Variants in ZNF594 observed in about 807,000 individuals in gnomAD.
ZNF594 encodes the protein zinc finger protein 594.
For missense variants in ZNF594, 1,037 were observed against 964.6 expected (o/e 1.08, Z -0.99); for synonymous variants, 336 against 309.4 (o/e 1.09, Z -0.90).
rs1730488 is a variant in ZNF594, at chr17:5,182,562, C to T, written c.1695G>A (p.Ala565=). 190,538 of 1,613,218 alleles carry T rather than the reference C, an allele frequency of 0.12. 22,379 individuals carry two copies. The highest frequency in any genetic ancestry group is 0.47 in the East Asian group (20,858 of 44,840). Residue 565 remains alanine (A), a synonymous_variant, in exon 2 of 2, where the codon GCG becomes GCA. Coordinates refer to ENST00000575779, the MANE Select transcript of ZNF594 (RefSeq NM_032530.2). ...LRGEQKIHQE[A]KAYWCNQCGR... ...CACACTGATTACACCAATAAGCTTT[C>T]GCTTCCTGGTGAATTTTCTGCTCTC...
Position 5,182,219 on chromosome 17 carries a change from A to G in ZNF594, c.2038T>C (p.Tyr680His), listed in dbSNP as rs1181506729. The G allele has an allele frequency of 3.1e-6, 5 of 1,613,512 alleles. No homozygotes were observed. The highest frequency in any genetic ancestry group is 4.2e-6 in the Non-Finnish European group (5 of 1,179,942). The change falls in exon 2 of 2, where the codon TAT becomes CAT. Residue 680 changes from tyrosine to histidine, a missense_variant. By Grantham distance (83) the Tyr-to-His change is moderately conservative. Transcript: ENST00000575779. ...GCATTCCCACATTCACTGCACTGAT[A>G]GGGTTTCTCTCCAGTATGGATTTTC... ...HQKIHTGEKP[Y>H]QCSECGNAFR...
rs1267419204 is a variant in ZNF594 at position 5,191,717 on chromosome 17, C to A, written c.-21+31G>T. Reference sequence around the variant, plus strand: ...TGCCGGTGGACGCAGGCGCCGCGGCCGCCAGCTCTGTGAACGCAGCGGGGT... The same window carrying A: ...TGCCGGTGGACGCAGGCGCCGCGGCAGCCAGCTCTGTGAACGCAGCGGGGT... On this transcript the variant is annotated intron_variant, in intron 1 of 1. Coordinates refer to ENST00000575779, the MANE Select transcript of ZNF594 (RefSeq NM_032530.2). 2.6e-5 allele frequency: 4 copies of A among 152,414 alleles called. No individual in the cohort carries two copies. The East Asian group carries it at 7.7e-4, about 30-fold the overall frequency. 9.4% of individuals were successfully genotyped at this position (152,414 alleles called of 1,614,324 possible).
chr17:5,183,552 C>T lies in ZNF594; in HGVS notation c.705G>A (p.Arg235=), dbSNP rs1407165154. 6.2e-7 allele frequency: 1 copy of T among 1,614,100 alleles called. No homozygotes were observed. Among genetic ancestry groups the T allele is most frequent in the Non-Finnish European group, 8.5e-7 (1 of 1,180,008 alleles). Residue 235 remains arginine, a synonymous_variant, in exon 2 of 2, where the codon AGG becomes AGA. Transcript: ENST00000575779. ...ATTTATTGCATAAATATGGCTTCCC[C>T]CTACTGTGGATTCTCTGGTGCAGGA... ...NLVLHQRIHS[R]GKPYLCNKCG... is the part of the protein sequence containing the mutation.
Position 5,181,830 on chromosome 17 carries a change from A to G in ZNF594, c.*3T>C, listed in dbSNP as rs770723760. 1.2e-6 allele frequency: 2 copies of G among 1,613,910 alleles called. No individual in the cohort carries two copies. Among genetic ancestry groups the G allele is most frequent in the Admixed American group, 1.7e-5 (1 of 60,006 alleles). ...TACGTAAGGTTTTTCTCCACTGTGA[A>G]TTCTATGATGTCTCAGAAGGTCTGA... On this transcript the variant is annotated 3_prime_UTR_variant, in exon 2 of 2. Transcript: ENST00000575779.
chr17:5,181,316 T>C lies in ZNF594; in HGVS notation c.*517A>G, dbSNP rs2144237874. On this transcript the variant is annotated 3_prime_UTR_variant, in exon 2 of 2. Transcript: ENST00000575779. ...TTTTCCCACATTCTTTACATTCATA[T>C]GGTTTCTCTCCTGTATGAGTTACCT... The C allele has an allele frequency of 2.5e-6, 4 of 1,612,964 alleles. No individual in the cohort carries two copies. The East Asian group carries it at 8.9e-5, about 36-fold the overall frequency.
In ZNF594 at chr17:5,184,257, C is replaced by G. The variant is rs767886564; in HGVS notation, c.-1G>C. On this transcript the variant is annotated 5_prime_UTR_variant, in exon 2 of 2. Coordinates refer to ENST00000575779, the MANE Select transcript of ZNF594 (RefSeq NM_032530.2). ...CCATCTTTGATTTCCATTCCTTCATCTTATTCCTGTCTTCAGAATCTGAAA... is the reference window on the plus strand; with the variant it reads ...CCATCTTTGATTTCCATTCCTTCATGTTATTCCTGTCTTCAGAATCTGAAA... 1.2e-6 allele frequency: 2 copies of G among 1,608,296 alleles called. No individual in the cohort carries two copies. Among genetic ancestry groups the G allele is most frequent in the Admixed American group, 3.4e-5 (2 of 58,960 alleles).
chr17:5,182,475 T>C lies in ZNF594; in HGVS notation c.1782A>G (p.Lys594=), dbSNP rs1355181638. The C allele has an allele frequency of 2.5e-5, 40 of 1,613,914 alleles. No individual in the cohort carries two copies. The East Asian group carries it at 6.5e-4, about 26-fold the overall frequency. The change falls in exon 2 of 2, where the codon AAA becomes AAG. Residue 594 remains lysine (K), a synonymous_variant. Coordinates refer to ENST00000575779, the MANE Select transcript of ZNF594 (RefSeq NM_032530.2). ...IRHQVTHTRE[K]PYECKECGKT... ...TCCCACATTCTTTGCATTCATATGGTTTCTCTCTTGTATGAGTTACCTGAT... is the reference window on the plus strand; with the variant it reads ...TCCCACATTCTTTGCATTCATATGGCTTCTCTCTTGTATGAGTTACCTGAT...
chr17:5,184,301 A>AT (rs1374395188), intron 1 of ZNF594, 25 bp from the exon 2 acceptor site: 1 of 1,565,744 alleles, frequency 6.4e-7, no homozygotes, highest in African/African-American at 1.4e-5. Flanking sequence ...AGATCATTCT[A>AT]TAATTCCTAA....
At position 5,184,003 on chromosome 17, in the gene ZNF594, C is replaced by T. The variant is rs367807463; in HGVS notation, c.254G>A (p.Cys85Tyr). Residue 85 changes from cysteine (C) to tyrosine (Y), a missense_variant, in exon 2 of 2, where the codon TGT (cysteine) becomes TAT (tyrosine). By Grantham distance (194) the Cys-to-Tyr change is radical (BLOSUM62 -2). Transcript: ENST00000575779. The stretch of plus-strand genomic sequence containing the variant: ...AGAAAGTATTTTTTCTCCTTCATTA[C>T]ATCCATGGCCAATCTCTCCCACAAT... ...KAIVGEIGHG[C>Y]NEGEKILSAG... is the part of the protein sequence containing the mutation. 1.7e-5 allele frequency: 27 copies of T among 1,614,060 alleles called. No homozygotes were observed. In the African/African-American group the frequency reaches 3.5e-4, roughly 21 times the overall value.
At chr17:5,188,160 T>C (rs902356924) in intron 1 of ZNF594, among the ~76,000 whole-genome samples, 5 of 151,342 alleles carry the variant, frequency 3.3e-5, no homozygotes, top group African/African-American at 7.3e-5. Flanking sequence ...TTGAAGTGTT[T>C]AGTGTTTTTT....
rs866934956 is a variant in ZNF594 at position 5,180,847 on chromosome 17, G to T, written c.*986C>A. The T allele has an allele frequency of 3.3e-5, 14 of 424,324 alleles. No individual in the cohort carries two copies. Among genetic ancestry groups the T allele is most frequent in the Non-Finnish European group, 5.7e-5 (13 of 227,964 alleles). The allele number at this position is 424,324 out of a possible 1,614,324, so 26.3% of individuals were successfully genotyped here. ...TTCTCTGCTTTCCCACCTTCCCATG[G>T]TTTTTTTCTAATAAAACTCATTTGT... On this transcript the variant is annotated 3_prime_UTR_variant, in exon 2 of 2. Transcript: ENST00000575779.
At position 5,181,054 on chromosome 17, in the gene ZNF594, T is replaced by C. The variant is rs767501533; in HGVS notation, c.*779A>G. On this transcript the variant is annotated 3_prime_UTR_variant, in exon 2 of 2. Coordinates refer to ENST00000575779, the MANE Select transcript of ZNF594 (RefSeq NM_032530.2). ...CCACTGAAGGCCTTACCACAGTTGC[T>C]ACATTCAAAGGGTTTCTCTCTGGTA... The C allele has an allele frequency of 8.3e-7, 1 of 1,207,244 alleles. No individual in the cohort carries two copies. The highest frequency in any genetic ancestry group is 1.2e-5 in the South Asian group (1 of 82,066). 74.8% of individuals were successfully genotyped at this position (1,207,244 alleles called of 1,614,324 possible). A position where few individuals can be genotyped will look rare whatever the true frequency, so the allele number is the denominator to read the frequency against.
chr17:5,186,082 T>C (rs939089179), intron 1 of ZNF594, among the ~76,000 whole-genome samples: 7 of 152,188 alleles, frequency 4.6e-5, no homozygotes, highest in African/African-American at 1.4e-4. Flanking sequence ...ACAGCTCCAC[T>C]AGAAGGTGCC....
chr17:5,181,407 T>C lies in ZNF594; in HGVS notation c.*426A>G. 6.2e-7 allele frequency: 1 copy of C among 1,613,270 alleles called. No homozygotes were observed. Among genetic ancestry groups the C allele is most frequent in the Non-Finnish European group, 8.5e-7 (1 of 1,179,248 alleles). ...ACACTGATTACACCAATAAGCTTTCTCTTCTTGGTGAATTTTCTGCTCTCC... is the reference window on the plus strand; with the variant it reads ...ACACTGATTACACCAATAAGCTTTCCCTTCTTGGTGAATTTTCTGCTCTCC... On this transcript the variant is annotated 3_prime_UTR_variant, in exon 2 of 2. Transcript: ENST00000575779.
chr17:5,183,631 T>C lies in ZNF594; in HGVS notation c.626A>G (p.Asn209Ser), dbSNP rs1480020073. ...VRHKQIHSGG[N>S]PYECKECGKA... ...CCCACACTCTTTGCACTCATAGGGA[T>C]TCCCACCACTGTGAATTTGCTTATG... Residue 209 changes from asparagine to serine, a missense_variant, in exon 2 of 2, where the codon AAT becomes AGT. Physicochemically the swap from Asn to Ser is conservative, Grantham distance 46. Coordinates refer to ENST00000575779, the MANE Select transcript of ZNF594 (RefSeq NM_032530.2). 6.2e-7 allele frequency: 1 copy of C among 1,614,234 alleles called. No individual in the cohort carries two copies.
At chr17:5,188,750 CTT>C (rs34604391) in intron 1 of ZNF594, among the ~76,000 whole-genome samples, 25 of 140,866 alleles carry the variant, frequency 1.8e-4, no homozygotes, top group Admixed American at 1.2e-3. Context: ...AAAATTTTGA[CTT>C]TTTTTTTTTT....
Position 5,180,952 on chromosome 17 carries a change from G to A in ZNF594, c.*881C>T. 1 of 690,206 alleles carries A rather than the reference G, an allele frequency of 1.4e-6. No individual in the cohort carries two copies. The highest frequency in any genetic ancestry group is 2.8e-5 in the East Asian group (1 of 36,214). The allele number at this position is 690,206 out of a possible 1,614,324, so 42.8% of individuals were successfully genotyped here. On this transcript the variant is annotated 3_prime_UTR_variant, in exon 2 of 2. Transcript: ENST00000575779. ...AGGTTTCTGCTACCTATTAGAATAG[G>A]TCCTGTTTGTAGACTCTTACAGTCT... is the stretch of plus-strand genomic sequence containing the variant.
rs375509417 is a variant in ZNF594, at chr17:5,183,613, T to C, written c.644A>G (p.Glu215Gly). Residue 215 changes from glutamate to glycine, a missense_variant, in exon 2 of 2, where the codon GAG becomes GGG. Glu to Gly is a moderately conservative substitution (Grantham distance 98). Transcript: ENST00000575779. ...HSGGNPYECKECGKAFKGSSN... is the reference protein window; with the variant it reads ...HSGGNPYECKGCGKAFKGSSN... ...GCTTCCCTTAAAAGCCTTCCCACACTCTTTGCACTCATAGGGATTCCCACC... is the reference window on the plus strand; with the variant it reads ...GCTTCCCTTAAAAGCCTTCCCACACCCTTTGCACTCATAGGGATTCCCACC... 3.1e-5 allele frequency: 50 copies of C among 1,614,094 alleles called. No homozygotes were observed. Among genetic ancestry groups the C allele is most frequent in the Non-Finnish European group, 4.1e-5 (48 of 1,180,042 alleles).
downstream of ZNF594, among the ~76,000 whole-genome samples, chr17:5,179,249 C>T (rs138809614): frequency 1.0e-4 from 15 of 144,690 alleles, no homozygotes; most frequent in Non-Finnish European, 1.8e-4. Flanking sequence ...CCCTGGGATG[C>T]GCTCACATCC....
Sources: allele counts gnomAD v4.1 joint callset (sites outside exome capture counted in the v4.1 genomes callset), GRCh38; gene constraint gnomAD v4.1.1; transcripts MANE v1.5; gene names NCBI Gene and HGNC (gene_info 2026-07-23, HGNC 2026-07-21).